Variants in MACF1 observed in about 807,000 individuals in gnomAD.
The protein encoded by MACF1 is microtubule actin crosslinking factor 1.
Under a neutral mutation model 854.8 loss-of-function variants are expected in MACF1, and 193 were observed. The ratio of observed to expected loss-of-function variants is 0.23; its 90% CI spans 0.20 to 0.25. MACF1 has a LOEUF of 0.25. MACF1 is among the 10% of genes least tolerant of loss of function. MACF1 has a pLI of 1.00. For synonymous variants in MACF1, 3,185 were observed against 3,226.7 expected (o/e 0.99, Z 0.44); for missense variants, 7,722 against 8,929.1 (o/e 0.86, Z 5.45).
chr1:39,413,629 G>C (rs752969921), intron 58 of MACF1: 1 of 1,530,216 alleles, frequency 6.5e-7, no homozygotes. Context: ...CTCCCCAGCT[G>C]CTGCAGTGCC....
intron 2 of MACF1, among the ~76,000 whole-genome samples, chr1:39,089,503 G>A (rs1000266949): frequency 3.3e-5 from 5 of 152,134 alleles, no homozygotes; most frequent in African/African-American, 9.7e-5. Flanking sequence ...TTATATTCAC[G>A]TTCATTGTTC....
intron 2 of MACF1, among the ~76,000 whole-genome samples, chr1:39,181,295 A>G (rs1313512625): frequency 5.3e-5 from 8 of 152,228 alleles, no homozygotes. Context: ...TTGATAGAGC[A>G]TAGGGAAATT....
intron 40 of MACF1, among the ~76,000 whole-genome samples, chr1:39,341,191 G>T (rs1646928784): frequency 6.6e-6 from 1 of 151,116 alleles, no homozygotes; most frequent in South Asian, 2.1e-4. Context: ...CTACCTCCAC[G>T]CCCGGCTCAT....
intron 49 of MACF1, among the ~76,000 whole-genome samples, chr1:39,367,374 T>C (rs183324967): frequency 6.6e-6 from 1 of 152,232 alleles, no homozygotes; most frequent in East Asian, 1.9e-4. Context: ...TAACTTTTTT[T>C]AAAAAATAGA....
chr1:39,341,035 C>CT (rs1172169515), intron 40 of MACF1, 82 bp downstream of exon 40: 147,650 of 909,370 alleles, frequency 0.16, 600 homozygotes, highest in Non-Finnish European at 0.17. Flanking sequence ...CCATATTTAT[C>CT]TTTTTTTTTT....
intron 2 of MACF1, among the ~76,000 whole-genome samples, chr1:39,138,077 A>AG (rs1643229414): frequency 6.6e-6 from 1 of 150,608 alleles, no homozygotes; most frequent in Non-Finnish European, 1.5e-5. Context: ...CATCTCAAAA[A>AG]AAAAAAAAAA....
chr1:39,098,588 C>T (rs1641991321), intron 2 of MACF1, among the ~76,000 whole-genome samples: 1 of 152,230 alleles, frequency 6.6e-6, no homozygotes, highest in African/African-American at 2.4e-5. Flanking sequence ...GGTCCAGCCT[C>T]TGCTCATTTC....
chr1:39,309,694 A>G lies in MACF1; in HGVS notation c.2914A>G (p.Lys972Glu), dbSNP rs776982219. The G allele has an allele frequency of 1.9e-6, 3 of 1,609,170 alleles. No homozygotes were observed. The highest frequency in any genetic ancestry group is 2.7e-5 in the African/African-American group (2 of 74,670). Residue 972 changes from lysine (K) to glutamate (E), a missense_variant and splice_region_variant, in exon 24 of 101, where the codon AAG becomes GAG. This residue lies in a region of MACF1 where 1,137 missense variants were observed against 1,263.0 expected (regional missense o/e 0.90). Transcript: ENST00000564288. ...CCTTGTACAGACCTGGAACCTAGAA[A>G]AGGTAATTATGAAAACCTTACCCCA... ...LDLVQTWNLE[K>E]LRSSAPGECH...
rs764337375 is a variant in MACF1, at chr1:39,387,526, A to T, written c.14684A>T (p.Gln4895Leu). The T allele has an allele frequency of 2.8e-5, 46 of 1,614,062 alleles. No individual in the cohort carries two copies. The East Asian group carries it at 9.4e-4, about 33-fold the overall frequency. The change falls in exon 58 of 101, where the codon CAA becomes CTA. Residue 4895 changes from glutamine to leucine, a missense_variant. This residue lies in a region of MACF1 where 2,807 missense variants were observed against 3,235.8 expected (regional missense o/e 0.87). Coordinates refer to ENST00000564288, the MANE Select transcript of MACF1 (RefSeq NM_001394062.1). ...EELSKKTADR[Q>L]SRLKDCMQKA... ...CTTAGTAAAAAAACTGCAGACAGACAATCCAGGCTCAAGGATTGTATGCAG... is the reference window on the plus strand; with the variant it reads ...CTTAGTAAAAAAACTGCAGACAGACTATCCAGGCTCAAGGATTGTATGCAG...
intron 6 of MACF1, among the ~76,000 whole-genome samples, chr1:39,265,411 G>A (rs1199268994): frequency 6.6e-6 from 1 of 152,176 alleles, no homozygotes; most frequent in African/African-American, 2.4e-5. Flanking sequence ...AGCAAGTCTT[G>A]TGTTAAGAGA....
At chr1:39,254,426 G>A in intron 5 of MACF1, 51 bp downstream of exon 5, 1 of 1,543,780 alleles carries the variant, frequency 6.5e-7, no homozygotes, top group Non-Finnish European at 9.0e-7. Context: ...TTGGCATTGG[G>A]GCCCTATTCA....
At chr1:39,419,326 A>G (rs1643443185) in intron 58 of MACF1, among the ~76,000 whole-genome samples, 2 of 152,252 alleles carry the variant, frequency 1.3e-5, no homozygotes, top group Admixed American at 6.5e-5. Flanking sequence ...TTTGTAAACA[A>G]AGTAAATCCA....
chr1:39,381,984 T>C lies in MACF1; in HGVS notation c.13680T>C (p.Thr4560=). Residue 4560 remains threonine (T), a synonymous_variant, in exon 56 of 101, where the codon ACT becomes ACC. Coordinates refer to ENST00000564288, the MANE Select transcript of MACF1 (RefSeq NM_001394062.1). ...NSRWERATEV[T]VARQRQLEES... ...GATGGGAAAGGGCCACTGAGGTTACTGTGGCTCGGCAAAGGCAGCTAGAGG... is the reference window on the plus strand; with the variant it reads ...GATGGGAAAGGGCCACTGAGGTTACCGTGGCTCGGCAAAGGCAGCTAGAGG... 1 of 1,614,060 alleles carries C rather than the reference T, an allele frequency of 6.2e-7. No homozygotes were observed. The highest frequency in any genetic ancestry group is 8.5e-7 in the Non-Finnish European group (1 of 1,179,984).
At position 39,387,861 on chromosome 1, in the gene MACF1, G is replaced by C; in HGVS notation, c.15019G>C (p.Glu5007Gln). 6.2e-7 allele frequency: 1 copy of C among 1,614,050 alleles called. No individual in the cohort carries two copies. ...GCAGGCCAAAACAGGGTCACTCGAA[G>C]AAATGACTCAGAGGCTCAGGGAGTT... Reference protein sequence around the residue: ...ELQAKTGSLEEMTQRLREFQE... With the variant: ...ELQAKTGSLEQMTQRLREFQE... The change falls in exon 58 of 101, where the codon GAA becomes CAA. Residue 5007 changes from glutamate to glutamine, a missense_variant. By Grantham distance (29) the Glu-to-Gln change is conservative. This residue lies in a region of MACF1 where 2,807 missense variants were observed against 3,235.8 expected (regional missense o/e 0.87). Coordinates refer to ENST00000564288, the MANE Select transcript of MACF1 (RefSeq NM_001394062.1).
intron 92 of MACF1, 101 bp from the exon 93 acceptor site, chr1:39,461,769 GCGACAGAGCAAGA>G (rs1261537239): frequency 6.3e-6 from 5 of 797,358 alleles, no homozygotes; most frequent in Non-Finnish European, 7.7e-6. Flanking sequence ...TCCAGCCTGG[GCGACAGAGCAAGA>G]CCTTGTCTCA....
intron 2 of MACF1, among the ~76,000 whole-genome samples, chr1:39,165,687 T>C (rs570876352): frequency 2.0e-5 from 3 of 152,382 alleles, no homozygotes; most frequent in Non-Finnish European, 4.4e-5. Flanking sequence ...CTGTGGTTTC[T>C]ATTGGTTGTT....
intron 58 of MACF1, chr1:39,412,896 C>T: frequency 1.9e-6 from 3 of 1,609,322 alleles, no homozygotes; most frequent in Non-Finnish European, 2.5e-6. Context: ...CTTTAGTGCC[C>T]TTTCCACATG....
chr1:39,220,418 C>T (rs1220681645), intron 1 of MACF1, among the ~76,000 whole-genome samples: 3 of 151,834 alleles, frequency 2.0e-5, no homozygotes, highest in African/African-American at 7.2e-5. Context: ...AGTGATCTGC[C>T]CACCTCAGCC....
intron 66 of MACF1, 110 bp from the exon 67 acceptor site, chr1:39,432,425 A>G (rs1182600173): frequency 2.2e-6 from 2 of 900,480 alleles, no homozygotes; most frequent in Non-Finnish European, 3.4e-6. Flanking sequence ...ACTTTGTGAG[A>G]TATAAACTGT....
Sources: gnomAD v4.1 joint callset for allele counts (sites outside exome capture counted in the v4.1 genomes callset) on GRCh38, gnomAD v4.1.1 for gene constraint, gnomAD v4.1.1 regional missense constraint, MANE v1.5 for transcripts, NCBI Gene and HGNC (gene_info 2026-07-23, HGNC 2026-07-21) for gene names.